Variants in PTPRD observed in about 807,000 individuals in gnomAD.
PTPRD encodes the protein receptor-type tyrosine-protein phosphatase delta.
Under a neutral mutation model 214.5 loss-of-function variants are expected in PTPRD, and 34 were observed. That is an observed-to-expected ratio of 0.16 (90% CI 0.12 to 0.21). PTPRD has a LOEUF of 0.21. Among genes scored for constraint, PTPRD ranks in the 10% least tolerant of loss-of-function variants. PTPRD has a pLI of 1.00. For missense variants in PTPRD, 2,545 were observed against 2,398.7 expected (o/e 1.06, Z -1.27); for synonymous variants, 1,128 against 845.7 (o/e 1.33, Z -5.79).
At chr9:8,505,945 A>G (rs16928061) in intron 22 of PTPRD, among the ~76,000 whole-genome samples, 6,416 of 152,292 alleles carry the variant, frequency 0.042, 442 homozygotes, top group African/African-American at 0.14. Context: ...AAACACCAAT[A>G]GCTCAAGTTG....
At chr9:8,629,013 T>A (rs2096152219) in intron 14 of PTPRD, among the ~76,000 whole-genome samples, 2 of 151,802 alleles carry the variant, frequency 1.3e-5, no homozygotes, top group Non-Finnish European at 2.9e-5. Flanking sequence ...CAGTGCTATT[T>A]GAGAACAGCC....
intron 2 of PTPRD, among the ~76,000 whole-genome samples, chr9:10,478,368 T>C (rs887947965): frequency 9.9e-5 from 15 of 152,110 alleles, no homozygotes; most frequent in African/African-American, 3.4e-4. Context: ...GGGCATATAA[T>C]CTGAGTGTTT....
intron 7 of PTPRD, among the ~76,000 whole-genome samples, chr9:9,691,188 G>GATT (rs1426598819): frequency 1.3e-5 from 2 of 151,902 alleles, no homozygotes; most frequent in East Asian, 3.9e-4. Flanking sequence ...TATACAATTA[G>GATT]ATTATTATTA....
intron 7 of PTPRD, among the ~76,000 whole-genome samples, chr9:9,576,646 T>A (rs576068670): frequency 6.6e-6 from 1 of 152,310 alleles, no homozygotes; most frequent in African/African-American, 2.4e-5. Context: ...GTTAAAAGGT[T>A]GAGTATTAGA....
intron 10 of PTPRD, among the ~76,000 whole-genome samples, chr9:9,103,875 T>C (rs1215182982): frequency 2.0e-5 from 3 of 152,070 alleles, no homozygotes; most frequent in Non-Finnish European, 4.4e-5. Flanking sequence ...CCAGATACCC[T>C]GGAGGCTGAG....
At chr9:9,475,433 AT>A in intron 8 of PTPRD, among the ~76,000 whole-genome samples, 1 of 152,308 alleles carries the variant, frequency 6.6e-6, no homozygotes, top group African/African-American at 2.4e-5. Context: ...TAGCTGTGAC[AT>A]TTTCCATCAG....
chr9:9,178,367 C>T (rs377730850), intron 10 of PTPRD, among the ~76,000 whole-genome samples: 164 of 151,944 alleles, frequency 1.1e-3, no homozygotes, highest in African/African-American at 3.8e-3. Flanking sequence ...CTTCCTCCTT[C>T]CTTCTTTCCT....
At chr9:9,778,611 G>T (rs928351339) in intron 5 of PTPRD, among the ~76,000 whole-genome samples, 2 of 152,060 alleles carry the variant, frequency 1.3e-5, no homozygotes, top group Non-Finnish European at 2.9e-5. Flanking sequence ...CTCCCTGTCT[G>T]CCCCCTCCTA....
intron 3 of PTPRD, among the ~76,000 whole-genome samples, chr9:10,153,394 GT>G (rs2099073869): frequency 6.6e-6 from 1 of 151,042 alleles, no homozygotes. Flanking sequence ...TTTTCATATT[GT>G]TTCTAAAAAT....
intron 14 of PTPRD, among the ~76,000 whole-genome samples, chr9:8,567,723 G>T (rs924623559): frequency 7.2e-5 from 11 of 152,124 alleles, no homozygotes; most frequent in Admixed American, 2.6e-4. Flanking sequence ...CTCAATGAAT[G>T]AATGAATCAT....
Position 9,050,139 on chromosome 9 carries a change from T to C in PTPRD, c.-142-31404A>G, listed in dbSNP as rs568628842. 2.0e-5 allele frequency among the ~76,000 whole-genome samples: 3 copies of C among 152,350 alleles called. No homozygotes were observed. In the South Asian group the frequency reaches 6.2e-4, roughly 32 times the overall value. On this transcript the variant is annotated intron_variant, in intron 10 of 45. Transcript: ENST00000381196. ...CCTCTGTTTTCTTATCTCCAAAGGCTATAAAAATATTGTCCTGCCACAGGA... is the reference window on the plus strand; with the variant it reads ...CCTCTGTTTTCTTATCTCCAAAGGCCATAAAAATATTGTCCTGCCACAGGA...
At chr9:9,573,503 GT>G (rs1381858098) in intron 8 of PTPRD, among the ~76,000 whole-genome samples, 1 of 151,172 alleles carries the variant, frequency 6.6e-6, no homozygotes, top group African/African-American at 2.4e-5. Flanking sequence ...TAAGATATAA[GT>G]AATTTTCTCT....
intron 9 of PTPRD, among the ~76,000 whole-genome samples, chr9:9,295,987 A>G (rs1952868669): frequency 6.6e-6 from 1 of 151,794 alleles, no homozygotes; most frequent in Non-Finnish European, 1.5e-5. Context: ...GCTTCCTAAT[A>G]TTACATGATA....
At chr9:10,155,806 G>C (rs1293741196) in intron 3 of PTPRD, among the ~76,000 whole-genome samples, 1 of 152,030 alleles carries the variant, frequency 6.6e-6, no homozygotes, top group Non-Finnish European at 1.5e-5. Context: ...ACTTGGTTGT[G>C]GTGGATAAGC....
Position 8,545,527 on chromosome 9 carries a change from A to T in PTPRD, c.353-16748T>A, listed in dbSNP as rs562895840. ...GATAAAACGTATAACATTTCCTAGA[A>T]CAGAGTCAACTATCACTGATTTCAT... On this transcript the variant is annotated intron_variant, in intron 14 of 45. Transcript: ENST00000381196. Among the ~76,000 whole-genome samples, 3 of 152,332 alleles carry T rather than the reference A, an allele frequency of 2.0e-5. No individual in the cohort carries two copies. The East Asian group carries it at 5.8e-4, about 29-fold the overall frequency.
At chr9:9,310,209 T>C (rs1167482075) in intron 9 of PTPRD, among the ~76,000 whole-genome samples, 2 of 152,068 alleles carry the variant, frequency 1.3e-5, no homozygotes, top group Non-Finnish European at 2.9e-5. Flanking sequence ...GAGAGGAAAG[T>C]AGGAGGACAG....
intron 14 of PTPRD, among the ~76,000 whole-genome samples, chr9:8,592,519 A>G (rs1259502161): frequency 6.6e-6 from 1 of 152,170 alleles, no homozygotes; most frequent in Non-Finnish European, 1.5e-5. Flanking sequence ...AGGATTCTAC[A>G]TCTTTCATTT....
intron 27 of PTPRD, among the ~76,000 whole-genome samples, chr9:8,488,458 T>C (rs1198062232): frequency 1.3e-5 from 2 of 152,228 alleles, no homozygotes; most frequent in East Asian, 1.9e-4. Flanking sequence ...GTGTTGTATA[T>C]ATAAAACATG....
At chr9:9,262,495 G>A (rs1406014072) in intron 9 of PTPRD, among the ~76,000 whole-genome samples, 1 of 151,178 alleles carries the variant, frequency 6.6e-6, no homozygotes, top group Non-Finnish European at 1.5e-5. Flanking sequence ...ATAGTCACAT[G>A]TAGCTAAAGG....
Sources: allele counts gnomAD v4.1 joint callset (sites outside exome capture counted in the v4.1 genomes callset), GRCh38; gene constraint gnomAD v4.1.1; transcripts MANE v1.5; gene names NCBI Gene and HGNC (gene_info 2026-07-23, HGNC 2026-07-21).